Variants in PCDHGA3 observed in about 807,000 individuals in gnomAD.
PCDHGA3 encodes the protein protocadherin gamma-A3.
Under a neutral mutation model 58.5 loss-of-function variants are expected in PCDHGA3, and 40 were observed. The observed-to-expected ratio is 0.68, with a 90% CI of 0.53 to 0.89. The LOEUF (loss-of-function observed/expected upper bound fraction) is 0.89, where lower values mean the gene tolerates loss of function less well. Ranked by LOEUF, PCDHGA3 falls within the 40% of genes least tolerant of loss-of-function variation. The pLI, the probability that PCDHGA3 is intolerant of heterozygous loss-of-function variation, is 0.00. For missense variants in PCDHGA3, 1,223 were observed against 1,195.9 expected, an observed-to-expected ratio of 1.02 and a Z score of -0.33; for synonymous variants, 530 against 525.7, an observed-to-expected ratio of 1.01 and a Z score of -0.11.
Position 141,485,220 on chromosome 5 carries a change from C to T in PCDHGA3, c.2425-9587C>T. The T allele has an allele frequency of 6.2e-7, 1 of 1,614,192 alleles. No homozygotes were observed. The highest frequency in any genetic ancestry group is 8.5e-7 in the Non-Finnish European group (1 of 1,180,024). On this transcript the variant is annotated intron_variant, in intron 1 of 3. Transcript: ENST00000253812. This position sits in a 1 kb window ranked among gnomAD's most constrained non-coding sequence, Gnocchi z 5.7. ...TGGACAGAAATCTGGCGGTGGGCTA[C>T]CCTTTTGTTCCTCTTTTACCACCTG... is the stretch of plus-strand genomic sequence containing the variant.
chr5:141,505,602 A>G lies in PCDHGA3; in HGVS notation c.2572+121A>G, dbSNP rs1041288927. 4.6e-5 allele frequency: 71 copies of G among 1,534,990 alleles called. 1 individual carries two copies. In the Admixed American group the frequency reaches 1.4e-3, roughly 30 times the overall value. On this transcript the variant is annotated intron_variant, in intron 3 of 3. Coordinates refer to ENST00000253812, the MANE Select transcript of PCDHGA3 (RefSeq NM_018916.4). ...GTGTAGTTTCTCCAGATCTTTCGGC[A>G]GGTCTGAAAGGACCCACAATTCCAA...
At position 141,366,076 on chromosome 5, in the gene PCDHGA3, A is replaced by G. The variant is rs774100476; in HGVS notation, c.2424+19619A>G. The G allele has an allele frequency of 7.4e-6, 12 of 1,614,128 alleles. No individual in the cohort carries two copies. In the East Asian group the frequency reaches 2.2e-4, roughly 30 times the overall value. The stretch of plus-strand genomic sequence containing the variant: ...GCGTGGAGCTGGCGCCTCGCTCCGC[A>G]GAACCTGGCTACCTGGTGACCAAGG... On this transcript the variant is annotated intron_variant, in intron 1 of 3. Coordinates refer to ENST00000253812, the MANE Select transcript of PCDHGA3 (RefSeq NM_018916.4).
rs112731052 is a variant in PCDHGA3 at position 141,457,109 on chromosome 5, A to G, written c.2425-37698A>G. ...TATAAGGATACTAATTAAGCAAAAT[A>G]CGACAGCAATGGAAACTCTGTCCAA... is the stretch of plus-strand genomic sequence containing the variant. On this transcript the variant is annotated intron_variant, in intron 1 of 3. Coordinates refer to ENST00000253812, the MANE Select transcript of PCDHGA3 (RefSeq NM_018916.4). 8.3e-3 allele frequency among the ~76,000 whole-genome samples: 1,258 copies of G among 152,360 alleles called. 17 individuals are homozygous for G. Among genetic ancestry groups the G allele is most frequent in the African/African-American group, 0.029 (1,195 of 41,578 alleles).
intron 1 of PCDHGA3, chr5:141,389,851 C>T (rs375044667): frequency 6.2e-7 from 1 of 1,614,054 alleles, no homozygotes; most frequent in Non-Finnish European, 8.5e-7. Context: ...TCGGCCACTG[C>T]CACGTTGCAC....
At position 141,419,726 on chromosome 5, in the gene PCDHGA3, A is replaced by AC. The variant is rs757890106; in HGVS notation, c.2424+73270dup. On this transcript the variant is annotated intron_variant, in intron 1 of 3. Coordinates refer to ENST00000253812, the MANE Select transcript of PCDHGA3 (RefSeq NM_018916.4). ...CGGGCTCTTCAGCCTGGGGCTGCGA[A>AC]CAGGCGAGGTGCGCATGGTGCGTGC... 3.1e-6 allele frequency: 5 copies of AC among 1,613,402 alleles called. No individual in the cohort carries two copies. The Admixed American group carries it at 8.3e-5, about 27-fold the overall frequency.
intron 1 of PCDHGA3, among the ~76,000 whole-genome samples, chr5:141,453,315 T>A (rs1410108522): frequency 6.6e-6 from 1 of 151,214 alleles, no homozygotes; most frequent in African/African-American, 2.5e-5. Context: ...TTATTTATTT[T>A]AGAGATGGGG....
chr5:141,383,105 G>C (rs775672220), intron 1 of PCDHGA3: 7 of 1,614,030 alleles, frequency 4.3e-6, no homozygotes, highest in Non-Finnish European at 5.9e-6. Flanking sequence ...ATCATCTCCA[G>C]AGGTAGGACG....
rs139608956 is a variant in PCDHGA3, at chr5:141,510,637, A to G, written c.2573-310A>G. Among the ~76,000 whole-genome samples, 4 of 152,242 alleles carry G rather than the reference A, an allele frequency of 2.6e-5. No individual in the cohort carries two copies. The East Asian group carries it at 7.7e-4, about 29-fold the overall frequency. ...ACTAAAACCAGAAGAGGTGGTTACC[A>G]TTATCATCCCCATTTTGCAGATGAG... On this transcript the variant is annotated intron_variant, in intron 3 of 3. Transcript: ENST00000253812.
At chr5:141,484,872 G>T in intron 1 of PCDHGA3, 1 of 319,608 alleles carries the variant, frequency 3.1e-6, no homozygotes, top group Non-Finnish European at 5.8e-6. Context: ...GGAGCGTGGA[G>T]GATAGGGTGG....
chr5:141,432,428 G>C lies in PCDHGA3; in HGVS notation c.2425-62379G>C. 6.2e-7 allele frequency: 1 copy of C among 1,614,232 alleles called. No homozygotes were observed. On this transcript the variant is annotated intron_variant, in intron 1 of 3. Coordinates refer to ENST00000253812, the MANE Select transcript of PCDHGA3 (RefSeq NM_018916.4). The surrounding 1 kb of genome is among the most constrained non-coding windows in gnomAD (Gnocchi z 6.0). ...GAGCCTGTTCGTGCTGGACCAGAAC[G>C]ACAATGCGCCCGAGATCCTGTACCC...
chr5:141,507,613 T>G (rs1003099044), intron 3 of PCDHGA3, among the ~76,000 whole-genome samples: 1 of 152,248 alleles, frequency 6.6e-6, no homozygotes, highest in African/African-American at 2.4e-5. Context: ...ACAGGTATAT[T>G]TAGCTGTTGT....
chr5:141,354,600 A>T (rs1759588601), intron 1 of PCDHGA3, among the ~76,000 whole-genome samples: 1 of 152,218 alleles, frequency 6.6e-6, no homozygotes, highest in African/African-American at 2.4e-5. Flanking sequence ...CCAGACCTCC[A>T]AGTTCCTGTC....
rs771759945 is a variant in PCDHGA3, at chr5:141,405,371, G to A, written c.2424+58914G>A. 49 of 1,598,874 alleles carry A rather than the reference G, an allele frequency of 3.1e-5. No individual in the cohort carries two copies. The highest frequency in any genetic ancestry group is 3.7e-5 in the Non-Finnish European group (43 of 1,176,096). ...GTTTCCTATAGAAGACACCCCTTTG[G>A]TTCCGGTGAGTTCATTTTTTTTCTT... On this transcript the variant is annotated intron_variant, in intron 1 of 3. Transcript: ENST00000253812.
intron 1 of PCDHGA3, chr5:141,412,443 T>C (rs1479281650): frequency 6.6e-6 from 1 of 152,204 alleles, no homozygotes; most frequent in Non-Finnish European, 1.5e-5. Context: ...TAATTAAGGC[T>C]CAGTAAAACT....
At chr5:141,394,384 A>G (rs1379369009) in intron 1 of PCDHGA3, 2 of 1,614,114 alleles carry the variant, frequency 1.2e-6, no homozygotes, top group African/African-American at 2.7e-5. Flanking sequence ...GACTATGAGC[A>G]GATCCGAGAC....
intron 1 of PCDHGA3, chr5:141,415,493 T>C (rs1312874620): frequency 6.2e-7 from 1 of 1,614,108 alleles, no homozygotes; most frequent in Non-Finnish European, 8.5e-7. Context: ...AGTCACCTGA[T>C]CTTCCCCCAG....
chr5:141,408,463 G>T, intron 1 of PCDHGA3: 1 of 1,614,014 alleles, frequency 6.2e-7, no homozygotes, highest in Non-Finnish European at 8.5e-7. Context: ...TACTTGTGAA[G>T]AACCGAATAG....
intron 1 of PCDHGA3, chr5:141,375,685 C>A (rs1771752072): frequency 6.2e-7 from 1 of 1,614,144 alleles, no homozygotes; most frequent in Non-Finnish European, 8.5e-7. Flanking sequence ...GGGTGACAGC[C>A]AGCGACAGCG....
Position 141,491,663 on chromosome 5 carries a change from T to G in PCDHGA3, c.2425-3144T>G, listed in dbSNP as rs895604632. ...GCTCTGGCGCTGGAGCCTGACGCCA[T>G]CCGGTCCCGCTCTAATACGCTGCGG... On this transcript the variant is annotated intron_variant, in intron 1 of 3. Coordinates refer to ENST00000253812, the MANE Select transcript of PCDHGA3 (RefSeq NM_018916.4). The surrounding 1 kb of genome is among the most constrained non-coding windows in gnomAD (Gnocchi z 6.9). The G allele has an allele frequency of 3.1e-6, 5 of 1,613,650 alleles. No homozygotes were observed. Among genetic ancestry groups the G allele is most frequent in the Non-Finnish European group, 4.2e-6 (5 of 1,180,014 alleles).
Sources: gnomAD v4.1 joint callset for allele counts (sites outside exome capture counted in the v4.1 genomes callset) on GRCh38, gnomAD v4.1.1 for gene constraint, Gnocchi (gnomAD v3.1) non-coding constraint, MANE v1.5 for transcripts, NCBI Gene and HGNC (gene_info 2026-07-23, HGNC 2026-07-21) for gene names.